ITPKB: variants seen among roughly 807,000 people sequenced by gnomAD.
ITPKB encodes IP3 3-kinase B.
ITPKB carries 13 observed loss-of-function variants against 69.4 expected under a neutral mutation model. That is an observed-to-expected ratio of 0.19 (90% confidence interval 0.12 to 0.30). The LOEUF (loss-of-function observed/expected upper bound fraction) is 0.30. Among genes scored for constraint, ITPKB ranks in the 10% least tolerant of loss-of-function variants. The pLI is 1.00. For synonymous variants in ITPKB, 584 were observed against 513.7 expected, an observed-to-expected ratio of 1.14 and a Z score of -1.85; for missense variants, 1,240 against 1,250.5, an observed-to-expected ratio of 0.99 and a Z score of 0.13.
chr1:226,678,536 T>C (rs1340463553), intron 2 of ITPKB, among the ~76,000 whole-genome samples: 1 of 152,220 alleles, frequency 6.6e-6, no homozygotes, highest in African/African-American at 2.4e-5. Context: ...CTGTTCTTCA[T>C]AGCTGTGACT....
chr1:226,680,487 C>T (rs551078863), intron 2 of ITPKB, among the ~76,000 whole-genome samples: 17 of 152,260 alleles, frequency 1.1e-4, no homozygotes, highest in African/African-American at 3.4e-4. Flanking sequence ...GGTCCTTTTC[C>T]GGGACCAGCT....
At chr1:226,644,976 A>G (rs571813070) in intron 4 of ITPKB, among the ~76,000 whole-genome samples, 1 of 152,338 alleles carries the variant, frequency 6.6e-6, no homozygotes, top group East Asian at 1.9e-4. Flanking sequence ...CCCCCTTGGG[A>G]AGGGCTGGGC....
intron 2 of ITPKB, among the ~76,000 whole-genome samples, chr1:226,673,682 T>C (rs999888079): frequency 6.6e-6 from 1 of 151,960 alleles, no homozygotes; most frequent in African/African-American, 2.4e-5. Context: ...TGCATAGCTA[T>C]AGATTGATAT....
chr1:226,725,469 G>A (rs1657384146), intron 2 of ITPKB, among the ~76,000 whole-genome samples: 2 of 152,236 alleles, frequency 1.3e-5, no homozygotes, highest in Non-Finnish European at 2.9e-5. Context: ...ATCTGCTCAA[G>A]ATGTAATTAA....
intron 2 of ITPKB, among the ~76,000 whole-genome samples, chr1:226,710,142 A>G (rs1302922104): frequency 2.0e-5 from 3 of 152,170 alleles, no homozygotes; most frequent in African/African-American, 7.2e-5. Flanking sequence ...AACAGGTAGC[A>G]TTGGAAAAGA....
chr1:226,639,754 C>A, intron 5 of ITPKB, 96 bp from the exon 6 acceptor site: 1 of 826,818 alleles, frequency 1.2e-6, no homozygotes, highest in East Asian at 2.5e-5. Context: ...AGGCGAGCCC[C>A]ATCTGAACCT....
intron 2 of ITPKB, among the ~76,000 whole-genome samples, chr1:226,691,756 C>T (rs1656357917): frequency 6.6e-6 from 1 of 152,218 alleles, no homozygotes; most frequent in South Asian, 2.1e-4. Flanking sequence ...ACCTTAGCAG[C>T]TGTGCTCTGC....
rs1319824294 is a variant in ITPKB, at chr1:226,738,805, G to A, written c.-206+236C>T. Among the ~76,000 whole-genome samples, 2 of 152,192 alleles carry A rather than the reference G, an allele frequency of 1.3e-5. No individual in the cohort carries two copies. The highest frequency in any genetic ancestry group is 3.9e-4 in the East Asian group (2 of 5,168). On this transcript the variant is annotated intron_variant, in intron 1 of 7. Coordinates refer to ENST00000429204, the MANE Select transcript of ITPKB (RefSeq NM_002221.4). The surrounding 1 kb of genome is among the most constrained non-coding windows in gnomAD (Gnocchi z 4.2). ...CCTGGAGCGCGCTGAGGGAGGCGGCGCGGAGTGAGCGGCCCGGAAGGCGGG... is the reference window on the plus strand; with the variant it reads ...CCTGGAGCGCGCTGAGGGAGGCGGCACGGAGTGAGCGGCCCGGAAGGCGGG...
intron 2 of ITPKB, among the ~76,000 whole-genome samples, chr1:226,716,936 C>T (rs1657110512): frequency 6.6e-6 from 1 of 152,208 alleles, no homozygotes; most frequent in African/African-American, 2.4e-5. Flanking sequence ...ATTGTTTATA[C>T]AAATTCACCA....
chr1:226,721,263 G>T (rs835669), intron 2 of ITPKB, among the ~76,000 whole-genome samples: 1 of 146,538 alleles, frequency 6.8e-6, no homozygotes, highest in Admixed American at 7.0e-5. Flanking sequence ...CAGGAGAATC[G>T]CTTGAACCCA....
intron 4 of ITPKB, among the ~76,000 whole-genome samples, chr1:226,646,698 C>T (rs912920815): frequency 5.3e-5 from 8 of 152,228 alleles, no homozygotes; most frequent in Admixed American, 1.3e-4. Context: ...GGGAAACCAG[C>T]ATGTTCTACT....
chr1:226,691,830 C>T (rs781029676), intron 2 of ITPKB, among the ~76,000 whole-genome samples: 6 of 152,144 alleles, frequency 3.9e-5, no homozygotes, highest in South Asian at 4.2e-4. Flanking sequence ...TTAAACTACC[C>T]CAAGCTAATA....
At position 226,736,651 on chromosome 1, in the gene ITPKB, G is replaced by A. The variant is rs1657779998; in HGVS notation, c.808C>T (p.Pro270Ser). The change falls in exon 2 of 8, where the codon CCC becomes TCC. Residue 270 changes from proline (P) to serine (S), a missense_variant. By Grantham distance (74) the Pro-to-Ser change is moderately conservative. Around this residue, in one of 2 missense-constraint regions of ITPKB, gnomAD observed 992 missense variants for 853.8 expected, o/e 1.16. Coordinates refer to ENST00000429204, the MANE Select transcript of ITPKB (RefSeq NM_002221.4). ...CTTTTGTCAATTTCCATAGCTGTGGGTGAGCCACAGCGGGGACTGGCAGGG... is the reference window on the plus strand; with the variant it reads ...CTTTTGTCAATTTCCATAGCTGTGGATGAGCCACAGCGGGGACTGGCAGGG... ...GIPASPRCGS[P>S]TAMEIDKRGS... 6.2e-7 allele frequency: 1 copy of A among 1,613,416 alleles called. No homozygotes were observed. Among genetic ancestry groups the A allele is most frequent in the Non-Finnish European group, 8.5e-7 (1 of 1,179,948 alleles).
chr1:226,726,430 G>T (rs149134691), intron 2 of ITPKB, among the ~76,000 whole-genome samples: 2 of 152,178 alleles, frequency 1.3e-5, no homozygotes, highest in African/African-American at 4.8e-5. Context: ...AGGCCAAGGC[G>T]GATTGGGAGG....
intron 2 of ITPKB, among the ~76,000 whole-genome samples, chr1:226,719,277 A>G (rs1657170868): frequency 6.6e-6 from 1 of 152,164 alleles, no homozygotes; most frequent in Non-Finnish European, 1.5e-5. Flanking sequence ...GGACAAAACA[A>G]AACAAAAAAT....
intron 2 of ITPKB, among the ~76,000 whole-genome samples, chr1:226,711,442 A>AGAGAGAGAGAGAGAGAGAGT (rs1491474441): frequency 9.8e-6 from 1 of 102,292 alleles, no homozygotes; most frequent in African/African-American, 4.1e-5. Context: ...AGAGAGAGAG[A>AGAGAGAGAGAGAGAGAGAGT]GTGTGTGTGT....
chr1:226,655,396 G>C (rs1669270233), intron 2 of ITPKB, among the ~76,000 whole-genome samples: 1 of 152,216 alleles, frequency 6.6e-6, no homozygotes, highest in Non-Finnish European at 1.5e-5. Flanking sequence ...TTAGGAGACA[G>C]CAGGTGACCC....
At chr1:226,684,077 T>G (rs1050220760) in intron 2 of ITPKB, among the ~76,000 whole-genome samples, 1 of 152,052 alleles carries the variant, frequency 6.6e-6, no homozygotes, top group African/African-American at 2.4e-5. Context: ...TGAACTTCCG[T>G]GAGTAGAAAA....
chr1:226,658,691 G>A (rs189250092), intron 2 of ITPKB, among the ~76,000 whole-genome samples: 60 of 152,258 alleles, frequency 3.9e-4, no homozygotes, highest in Non-Finnish European at 7.5e-4. Flanking sequence ...GGATGGCACC[G>A]AACATCCTCC....
Sources: allele counts gnomAD v4.1 joint callset (sites outside exome capture counted in the v4.1 genomes callset), GRCh38; gene constraint gnomAD v4.1.1; regional missense constraint gnomAD v4.1.1; non-coding constraint Gnocchi (gnomAD v3.1); transcripts MANE v1.5; gene names NCBI Gene and HGNC (gene_info 2026-07-23, HGNC 2026-07-21).